The following SUCO variants were observed in gnomAD, a reference collection of about 807,000 sequenced individuals.
SUCO encodes SUN domain-containing ossification factor.
Under a neutral mutation model 148.1 loss-of-function variants are expected in SUCO, and 57 were observed. The observed-to-expected ratio is 0.38, with a 90% CI of 0.31 to 0.48. The LOEUF (loss-of-function observed/expected upper bound fraction) is 0.48, where lower values mean the gene tolerates loss of function less well. SUCO is among the 20% of genes least tolerant of loss of function. The pLI is 0.96. For synonymous variants in SUCO, 470 were observed against 502.7 expected (o/e 0.93, Z 0.87); for missense variants, 1,331 against 1,468.2 (o/e 0.91, Z 1.53).
chr1:172,577,738 C>T (rs1223522872), intron 12 of SUCO, 26 bp from the exon 13 acceptor site: 4 of 1,607,606 alleles, frequency 2.5e-6, no homozygotes, highest in Non-Finnish European at 3.4e-6. Context: ...TGCTGGCTTC[C>T]CATTTTATGT....
At chr1:172,540,867 A>G (rs1417699857) in intron 1 of SUCO, among the ~76,000 whole-genome samples, 1 of 152,178 alleles carries the variant, frequency 6.6e-6, no homozygotes, top group East Asian at 1.9e-4. Context: ...GTGGTAGTAA[A>G]CAGAAAAGCC....
chr1:172,589,132 A>G lies in SUCO; in HGVS notation c.2031A>G (p.Val677=). 1 of 1,613,746 alleles carries G rather than the reference A, an allele frequency of 6.2e-7. No individual in the cohort carries two copies. Among genetic ancestry groups the G allele is most frequent in the Non-Finnish European group, 8.5e-7 (1 of 1,179,828 alleles). ...LLPAESVDVS[V]LQPLSGELEN... ...CTGCGGAATCAGTAGATGTTTCAGT[A>G]TTGCAACCTCTGAGTGGAGAATTGG... Residue 677 remains valine (V), a synonymous_variant, in exon 18 of 24, where the codon GTA becomes GTG. Coordinates refer to ENST00000263688, the MANE Select transcript of SUCO (RefSeq NM_014283.5).
At chr1:172,586,782 C>G (rs577438351) in intron 17 of SUCO, among the ~76,000 whole-genome samples, 4 of 152,216 alleles carry the variant, frequency 2.6e-5, no homozygotes, top group African/African-American at 9.6e-5. Context: ...GAGAACTATA[C>G]TATTTCAAAA....
intron 22 of SUCO, among the ~76,000 whole-genome samples, chr1:172,605,065 C>A (rs747367769): frequency 6.6e-6 from 1 of 151,650 alleles, no homozygotes; most frequent in Admixed American, 6.6e-5. Flanking sequence ...TTATAACCTC[C>A]GTTATGGATT....
intron 11 of SUCO, chr1:172,576,745 A>T (rs1197486125): frequency 4.2e-6 from 1 of 236,022 alleles, no homozygotes; most frequent in African/African-American, 2.3e-5. Flanking sequence ...GAGATTATAC[A>T]GCATTTTAAA....
chr1:172,589,926 G>T lies in SUCO; in HGVS notation c.2825G>T (p.Arg942Met). ...SGRYLEELSQ[R>M]YRKQMEEMQK... is the part of the protein sequence containing the mutation. The stretch of plus-strand genomic sequence containing the variant: ...CGCTATCTGGAGGAGCTTAGCCAAA[G>T]GTAAGCTTTATTATGAATTAGCACA... The change falls in exon 18 of 24, where the codon AGG becomes ATG. Residue 942 changes from arginine (R) to methionine (M), a missense_variant and splice_region_variant. Coordinates refer to ENST00000263688, the MANE Select transcript of SUCO (RefSeq NM_014283.5). 1 of 1,506,526 alleles carries T rather than the reference G, an allele frequency of 6.6e-7. No individual in the cohort carries two copies. Among genetic ancestry groups the T allele is most frequent in the South Asian group, 1.4e-5 (1 of 73,598 alleles). 93.3% of individuals were successfully genotyped at this position (1,506,526 alleles called of 1,614,324 possible).
intron 19 of SUCO, among the ~76,000 whole-genome samples, chr1:172,593,353 A>G (rs1003773660): frequency 6.6e-6 from 1 of 152,194 alleles, no homozygotes; most frequent in Non-Finnish European, 1.5e-5. Context: ...GTCTTGTGCC[A>G]GTTTTCAAAG....
chr1:172,609,505 A>G, intron 23 of SUCO: 1 of 928,150 alleles, frequency 1.1e-6, no homozygotes, highest in Non-Finnish European at 1.3e-6. Context: ...TAGCTGCCAT[A>G]ATACATGAAA....
chr1:172,588,523 A>T, intron 17 of SUCO: 4 of 985,056 alleles, frequency 4.1e-6, no homozygotes, highest in South Asian at 9.4e-5. Context: ...TATGGTAAAT[A>T]TGGTGGTTTG....
At chr1:172,590,013 T>G (rs1017731081) in intron 18 of SUCO, 87 bp downstream of exon 18, 1 of 1,125,260 alleles carries the variant, frequency 8.9e-7, no homozygotes, top group East Asian at 2.5e-5. Flanking sequence ...GGAGAGGATT[T>G]AATTATCTCA....
At chr1:172,577,473 A>T in intron 11 of SUCO, 66 bp from the exon 12 acceptor site, 1 of 1,445,442 alleles carries the variant, frequency 6.9e-7, no homozygotes, top group Non-Finnish European at 9.6e-7. Context: ...ATATTTAAAG[A>T]TGCTTATTGC....
intron 17 of SUCO, among the ~76,000 whole-genome samples, chr1:172,587,463 C>G (rs1035542316): frequency 2.0e-5 from 3 of 151,934 alleles, no homozygotes; most frequent in African/African-American, 7.2e-5. Flanking sequence ...TTACCAAATT[C>G]AATATAATTT....
intron 6 of SUCO, among the ~76,000 whole-genome samples, chr1:172,566,813 C>A (rs1217496641): frequency 6.6e-6 from 1 of 152,190 alleles, no homozygotes; most frequent in African/African-American, 2.4e-5. Context: ...CGCTGGTGGG[C>A]ATGTCTTACA....
At chr1:172,585,136 C>A in intron 16 of SUCO, 50 bp downstream of exon 16, 2 of 1,353,580 alleles carry the variant, frequency 1.5e-6, no homozygotes, top group Admixed American at 2.3e-5. Context: ...TCCAGGGATC[C>A]TTATATTTAG....
Position 172,585,693 on chromosome 1 carries a change from T to C in SUCO, c.1568-165T>C, listed in dbSNP as rs534747663. Among the ~76,000 whole-genome samples, 9 of 152,330 alleles carry C rather than the reference T, an allele frequency of 5.9e-5. No homozygotes were observed. The South Asian group carries it at 1.7e-3, about 28-fold the overall frequency. On this transcript the variant is annotated intron_variant, in intron 16 of 23. Coordinates refer to ENST00000263688, the MANE Select transcript of SUCO (RefSeq NM_014283.5). ...ACGATATATATTACTTGTGATCTTA[T>C]ATGATCATTTCTTCCTAAAAGAACT... is the stretch of plus-strand genomic sequence containing the variant.
rs535309817 is a variant in SUCO, at chr1:172,566,790, AACTG to A, written c.733-2226_733-2223del. On this transcript the variant is annotated intron_variant, in intron 6 of 23. Transcript: ENST00000263688. ...TCCAGGTGTTGCCATGGCAGTGCTA[AACTG>A]ACAAGGCACGCTGGTGGGCATGTCT... Among the ~76,000 whole-genome samples, 277 of 152,304 alleles carry A rather than the reference AACTG, an allele frequency of 1.8e-3. 1 individual carries two copies. The highest frequency in any genetic ancestry group is 6.5e-3 in the African/African-American group (270 of 41,564).
upstream of SUCO, chr1:172,532,954 A>G (rs1023561267): frequency 8.9e-6 from 8 of 903,072 alleles, no homozygotes; most frequent in African/African-American, 1.8e-5. Context: ...TCCGCCTGCG[A>G]CGTCGAAGGG....
chr1:172,588,573 A>T (rs1312497570), intron 17 of SUCO, 187 bp from the exon 18 acceptor site: 2 of 985,062 alleles, frequency 2.0e-6, no homozygotes, highest in African/African-American at 1.7e-5. Context: ...TATTTCTCTT[A>T]TCATTTCTGA....
At chr1:172,577,635 T>C in intron 12 of SUCO, 76 bp downstream of exon 12, 1 of 1,585,120 alleles carries the variant, frequency 6.3e-7, no homozygotes, top group South Asian at 1.1e-5. Flanking sequence ...TTTACAAGTA[T>C]TGATTTTGGG....
Sources: gnomAD v4.1 joint callset for allele counts (sites outside exome capture counted in the v4.1 genomes callset) on GRCh38, gnomAD v4.1.1 for gene constraint, MANE v1.5 for transcripts, NCBI Gene and HGNC (gene_info 2026-07-23, HGNC 2026-07-21) for gene names.